Variants in SAMD4B observed in about 807,000 individuals in gnomAD.
The protein encoded by SAMD4B is protein Smaug homolog 2.
A neutral mutation model predicts 74.5 loss-of-function variants in SAMD4B; 5 were observed. The observed-to-expected ratio is 0.07, with a 90% CI of 0.04 to 0.14. The LOEUF is 0.14. Ranked by LOEUF, SAMD4B falls within the 10% of genes least tolerant of loss-of-function variation. The pLI is 1.00. For synonymous variants in SAMD4B, 373 were observed against 374.9 expected (o/e 1.00, Z 0.06); for missense variants, 608 against 921.8 (o/e 0.66, Z 4.41).
intron 12 of SAMD4B, 188 bp downstream of exon 12, chr19:39,381,301 C>T (rs910830425): frequency 3.2e-6 from 2 of 632,150 alleles, no homozygotes; most frequent in Non-Finnish European, 2.6e-6. Context: ...AATTTTATCT[C>T]TCAGGTCTTG....
chr19:39,346,489 T>A (rs2075711450), intron 1 of SAMD4B, among the ~76,000 whole-genome samples: 1 of 152,218 alleles, frequency 6.6e-6, no homozygotes, highest in Non-Finnish European at 1.5e-5. Flanking sequence ...AGAGTAATAA[T>A]AATAATGACC....
intron 3 of SAMD4B, among the ~76,000 whole-genome samples, chr19:39,358,973 G>A (rs890451088): frequency 1.3e-5 from 2 of 152,190 alleles, no homozygotes; most frequent in African/African-American, 2.4e-5. Flanking sequence ...AGCGGGAGAC[G>A]GTTACTCAGG....
rs1453511541 is a variant in SAMD4B, at chr19:39,385,122, A to G, written c.*1595A>G. ...CCGGGCTGGGTGGGGTGTCAGGTTT[A>G]TTTATGTACCTCTTGCACACTCATC... On this transcript the variant is annotated 3_prime_UTR_variant, in exon 14 of 14. Coordinates refer to ENST00000610417, the MANE Select transcript of SAMD4B (RefSeq NM_001384574.2). 1.3e-5 allele frequency: 2 copies of G among 154,260 alleles called. No individual in the cohort carries two copies. Among genetic ancestry groups the G allele is most frequent in the East Asian group, 1.9e-4 (1 of 5,320 alleles). The allele number at this position is 154,260 out of a possible 1,614,324, so 9.6% of individuals were successfully genotyped here. A position where few individuals can be genotyped will look rare whatever the true frequency, so the allele number is the denominator to read the frequency against.
rs369179951 is a variant in SAMD4B, at chr19:39,377,473, C to A, written c.1105-12C>A. 25 of 1,547,932 alleles carry A rather than the reference C, an allele frequency of 1.6e-5. No homozygotes were observed. The South Asian group carries it at 3.1e-4, about 19-fold the overall frequency. Reference sequence around the variant, plus strand: ...GTCTGCATGTGACCCCAGCCTGTGTCCTCCCATCCAGGATGTGCTGGAAGG... The same window carrying A: ...GTCTGCATGTGACCCCAGCCTGTGTACTCCCATCCAGGATGTGCTGGAAGG... On this transcript the variant is annotated splice_polypyrimidine_tract_variant and intron_variant, in intron 7 of 13. Transcript: ENST00000610417.
In SAMD4B at chr19:39,383,660, C is replaced by G. The variant is rs573930366; in HGVS notation, c.*133C>G. ...ATTCTAATATTTTTCTACTCTCTTA[C>G]CCTCTTAACTTTTGTTTAACATTGG... On this transcript the variant is annotated 3_prime_UTR_variant, in exon 14 of 14. Transcript: ENST00000610417. The surrounding 1 kb of genome is among the most constrained non-coding windows in gnomAD (Gnocchi z 4.1). 2.6e-5 allele frequency: 41 copies of G among 1,586,214 alleles called. No individual in the cohort carries two copies. The African/African-American group carries it at 5.3e-4, about 20-fold the overall frequency.
chr19:39,369,580 C>A, intron 3 of SAMD4B, 75 bp from the exon 4 acceptor site: 2 of 1,169,268 alleles, frequency 1.7e-6, no homozygotes, highest in African/African-American at 1.5e-5. Context: ...GGGAATAGGC[C>A]ATAGGCAGTG....
chr19:39,385,899 CA>C (rs2078235884), downstream of SAMD4B: 4 of 1,544,734 alleles, frequency 2.6e-6, no homozygotes, highest in African/African-American at 5.5e-5. Context: ...GGGTGGGGAA[CA>C]AACAAGTGAA....
chr19:39,390,145 G>A, downstream of SAMD4B: 1 of 1,613,946 alleles, frequency 6.2e-7, no homozygotes, highest in South Asian at 1.1e-5. Flanking sequence ...TACTTGACTC[G>A]GCAGACCACT....
chr19:39,361,880 T>A (rs1015305576), intron 3 of SAMD4B, among the ~76,000 whole-genome samples: 1 of 151,834 alleles, frequency 6.6e-6, no homozygotes, highest in Non-Finnish European at 1.5e-5. Flanking sequence ...TGATCCGAGA[T>A]CGCACCACTG....
At chr19:39,388,695 G>A (rs750307558), downstream of SAMD4B, 14 of 1,611,936 alleles carry the variant, frequency 8.7e-6, no homozygotes, top group African/African-American at 1.3e-5. Flanking sequence ...GGGAAAAGGA[G>A]TAGCAATGAA....
rs1049861254 is a variant in SAMD4B at position 39,385,466 on chromosome 19, G to A, written c.*1939G>A. The A allele has an allele frequency of 1.9e-5, 8 of 431,552 alleles. No individual in the cohort carries two copies. The highest frequency in any genetic ancestry group is 6.6e-5 in the East Asian group (2 of 30,154). The allele number at this position is 431,552 out of a possible 1,614,324, so 26.7% of individuals were successfully genotyped here. A position where few individuals can be genotyped will look rare whatever the true frequency, so the allele number is the denominator to read the frequency against. On this transcript the variant is annotated 3_prime_UTR_variant, in exon 14 of 14. Coordinates refer to ENST00000610417, the MANE Select transcript of SAMD4B (RefSeq NM_001384574.2). ...ACAGCAGAGTGTGCAGGACGCAGGCGGCCCCACTCTGATGGGCAGGACCCT... is the reference window on the plus strand; with the variant it reads ...ACAGCAGAGTGTGCAGGACGCAGGCAGCCCCACTCTGATGGGCAGGACCCT...
downstream of SAMD4B, chr19:39,388,601 C>A (rs377755049): frequency 6.8e-6 from 11 of 1,614,048 alleles, no homozygotes; most frequent in East Asian, 2.4e-4. Flanking sequence ...CCTGGTCCCG[C>A]TTTCGTTTCT....
chr19:39,362,327 G>A (rs1036153193), intron 3 of SAMD4B, among the ~76,000 whole-genome samples: 25 of 152,190 alleles, frequency 1.6e-4, no homozygotes, highest in African/African-American at 6.0e-4. Flanking sequence ...GTAGGCCCGG[G>A]AAGCTGGTGA....
intron 4 of SAMD4B, among the ~76,000 whole-genome samples, chr19:39,373,173 G>A (rs550821045): frequency 2.5e-4 from 38 of 152,278 alleles, no homozygotes; most frequent in Admixed American, 6.5e-4. Flanking sequence ...GTCAACTCCC[G>A]TGGGAACTGG....
chr19:39,370,674 A>T (rs540976785), intron 4 of SAMD4B, among the ~76,000 whole-genome samples: 3 of 152,252 alleles, frequency 2.0e-5, no homozygotes, highest in African/African-American at 7.2e-5. Context: ...TATGGATTTT[A>T]TGTATCTGGC....
downstream of SAMD4B, chr19:39,388,203 C>T (rs2078295454): frequency 2.4e-6 from 2 of 828,092 alleles, no homozygotes; most frequent in East Asian, 5.1e-5. Flanking sequence ...TGTGCATGAC[C>T]AGACATCTGC....
chr19:39,362,061 TAC>T (rs2076688349), intron 3 of SAMD4B, among the ~76,000 whole-genome samples: 3 of 152,216 alleles, frequency 2.0e-5, no homozygotes, highest in Non-Finnish European at 4.4e-5. Context: ...CCAACCTTAG[TAC>T]TTCCTCCAGT....
In SAMD4B at chr19:39,375,717, G is replaced by A. The variant is rs369368135; in HGVS notation, c.735G>A (p.Gln245=). 3 of 1,614,016 alleles carry A rather than the reference G, an allele frequency of 1.9e-6. No homozygotes were observed. The highest frequency in any genetic ancestry group is 1.3e-5 in the African/African-American group (1 of 74,916). Residue 245 remains glutamine, a synonymous_variant, in exon 5 of 14, where the codon CAG becomes CAA. Coordinates refer to ENST00000610417, the MANE Select transcript of SAMD4B (RefSeq NM_001384574.2). The surrounding 1 kb of genome is among the most constrained non-coding windows in gnomAD (Gnocchi z 4.1). ...TGTCACTCATCCCTACAAGCCCCCA[G>A]GTCCCTGGTGAGTGGCCGAGTCCAG... ...RSMSLIPTSP[Q]VPGEWPSPEE...
At chr19:39,364,880 A>T (rs1179844322) in intron 3 of SAMD4B, among the ~76,000 whole-genome samples, 2 of 152,192 alleles carry the variant, frequency 1.3e-5, no homozygotes, top group African/African-American at 2.4e-5. Context: ...CAGATGCTGA[A>T]GGGGATCTGG....
Sources: gnomAD v4.1 joint callset for allele counts (sites outside exome capture counted in the v4.1 genomes callset) on GRCh38, gnomAD v4.1.1 for gene constraint, Gnocchi (gnomAD v3.1) non-coding constraint, MANE v1.5 for transcripts, NCBI Gene and HGNC (gene_info 2026-07-23, HGNC 2026-07-21) for gene names.